PHACTR3: variants seen among roughly 807,000 people sequenced by gnomAD.
PHACTR3 encodes the protein protein phosphatase 1, regulatory subunit 123.
A neutral mutation model predicts 66.8 loss-of-function variants in PHACTR3; 16 were observed. The observed-to-expected ratio is 0.24, with a 90% CI of 0.16 to 0.36. The LOEUF is 0.36. Ranked by LOEUF, PHACTR3 falls within the 10% of genes least tolerant of loss-of-function variation. The pLI, the probability that PHACTR3 is intolerant of heterozygous loss-of-function variation, is 1.00. For missense variants in PHACTR3, 647 were observed against 719.9 expected (o/e 0.90, Z 1.16); for synonymous variants, 323 against 292.1 (o/e 1.11, Z -1.08).
rs6100594 is a variant in PHACTR3 at position 59,795,024 on chromosome 20, T to C, written c.1175-11017T>C. On this transcript the variant is annotated intron_variant, in intron 7 of 12. Transcript: ENST00000371015. ...TTTCTGCTCTAACCTTTATTTTTTT[T>C]TCCTTCTACTAATTTTGGGTTGAGT... Among the ~76,000 whole-genome samples, 458 of 152,270 alleles carry C rather than the reference T, an allele frequency of 3.0e-3. 5 individuals are homozygous for C. The highest frequency in any genetic ancestry group is 0.01 in the African/African-American group (435 of 41,574).
chr20:59,793,862 C>G (rs909759514), intron 7 of PHACTR3, among the ~76,000 whole-genome samples: 1 of 152,002 alleles, frequency 6.6e-6, no homozygotes, highest in African/African-American at 2.4e-5. Context: ...TGGCTCATGC[C>G]TGTAATCCCA....
chr20:59,585,702 G>A (rs2033005972), intron 1 of PHACTR3, among the ~76,000 whole-genome samples: 2 of 152,190 alleles, frequency 1.3e-5, no homozygotes, highest in Admixed American at 6.5e-5. Context: ...ATGGGGAGGC[G>A]ATGGTGGGGA....
chr20:59,821,946 A>AC (rs1486615184), intron 8 of PHACTR3, among the ~76,000 whole-genome samples: 4 of 149,768 alleles, frequency 2.7e-5, no homozygotes, highest in African/African-American at 9.9e-5. Context: ...AAACACAGCT[A>AC]CCCCCTCCCC....
At chr20:59,782,723 C>T (rs539800774) in intron 7 of PHACTR3, among the ~76,000 whole-genome samples, 22 of 152,286 alleles carry the variant, frequency 1.4e-4, no homozygotes, top group South Asian at 2.1e-4. Flanking sequence ...AAACCACCCC[C>T]ATGATTCAAT....
chr20:59,684,035 G>A (rs2036765326), intron 1 of PHACTR3, among the ~76,000 whole-genome samples: 1 of 152,190 alleles, frequency 6.6e-6, no homozygotes, highest in Admixed American at 6.5e-5. Flanking sequence ...ACAGACTTGG[G>A]GGATGAGAAC....
intron 7 of PHACTR3, among the ~76,000 whole-genome samples, chr20:59,805,667 T>TG (rs1161001469): frequency 6.6e-6 from 1 of 152,092 alleles, no homozygotes; most frequent in Non-Finnish European, 1.5e-5. Flanking sequence ...TGGAGCTGGG[T>TG]GGGGGCAGTG....
Position 59,840,434 on chromosome 20 carries a change from G to C in PHACTR3, c.1446+4G>C. The C allele has an allele frequency of 6.2e-7, 1 of 1,613,306 alleles. No individual in the cohort carries two copies. Among genetic ancestry groups the C allele is most frequent in the South Asian group, 1.1e-5 (1 of 90,956 alleles). On this transcript the variant is annotated splice_donor_region_variant and intron_variant, in intron 10 of 12. Transcript: ENST00000371015. ...CAAGCAAAGATTGACAAGAAAGGTA[G>C]TATAAGCATTTTATTGCCTGAATAA... is the stretch of plus-strand genomic sequence containing the variant.
In PHACTR3 at chr20:59,599,309, C is replaced by T. The variant is rs551836098; in HGVS notation, c.109+21692C>T. 1.9e-4 allele frequency among the ~76,000 whole-genome samples: 29 copies of T among 152,334 alleles called. No homozygotes were observed. The South Asian group carries it at 3.5e-3, about 18-fold the overall frequency. ...GGTGAACAAACACAACAAAAATCCC[C>T]GTGCCTGTGAAGCCGACATTGCCAC... On this transcript the variant is annotated intron_variant, in intron 1 of 12. Coordinates refer to the PHACTR3 transcript ENST00000359926.
At chr20:59,798,553 G>C (rs1007098013) in intron 7 of PHACTR3, among the ~76,000 whole-genome samples, 1 of 151,996 alleles carries the variant, frequency 6.6e-6, no homozygotes, top group Non-Finnish European at 1.5e-5. Context: ...GTCCATTCTG[G>C]TTACATATTT....
intron 1 of PHACTR3, among the ~76,000 whole-genome samples, chr20:59,666,515 A>G (rs2035991985): frequency 6.6e-6 from 1 of 151,704 alleles, no homozygotes; most frequent in Non-Finnish European, 1.5e-5. Context: ...TCAATTTCAG[A>G]GGAAGAGAGA....
chr20:59,793,752 G>A (rs2041170847), intron 7 of PHACTR3, among the ~76,000 whole-genome samples: 1 of 151,780 alleles, frequency 6.6e-6, no homozygotes, highest in Non-Finnish European at 1.5e-5. Context: ...TTTCTAATTT[G>A]GATGCCTTTT....
At chr20:59,591,024 T>C (rs1425292123) in intron 1 of PHACTR3, among the ~76,000 whole-genome samples, 1 of 152,208 alleles carries the variant, frequency 6.6e-6, no homozygotes, top group Non-Finnish European at 1.5e-5. Flanking sequence ...AATTAAAAAT[T>C]CAGGTCCTCT....
chr20:59,613,167 A>G (rs901764392), intron 1 of PHACTR3, among the ~76,000 whole-genome samples: 2 of 152,222 alleles, frequency 1.3e-5, no homozygotes, highest in Non-Finnish European at 1.5e-5. Flanking sequence ...AAATATTGAC[A>G]AGTTTATCTA....
chr20:59,599,685 G>C (rs886789094), upstream of PHACTR3, among the ~76,000 whole-genome samples: 1 of 151,796 alleles, frequency 6.6e-6, no homozygotes, highest in African/African-American at 2.4e-5. Flanking sequence ...TAGTTAACTA[G>C]AAAACAAAAC....
chr20:59,699,486 T>C (rs1301786366), intron 1 of PHACTR3, among the ~76,000 whole-genome samples: 1 of 152,218 alleles, frequency 6.6e-6, no homozygotes, highest in East Asian at 1.9e-4. Flanking sequence ...TTGAATCTCC[T>C]GAGAGGCTGG....
intron 1 of PHACTR3, among the ~76,000 whole-genome samples, chr20:59,634,827 G>A (rs898993093): frequency 9.9e-5 from 15 of 152,188 alleles, no homozygotes; most frequent in Non-Finnish European, 2.1e-4. Context: ...CTGAACACTC[G>A]AAATGTGGCT....
At chr20:59,670,597 G>A (rs1438209789) in intron 1 of PHACTR3, among the ~76,000 whole-genome samples, 5 of 129,848 alleles carry the variant, frequency 3.9e-5, no homozygotes, top group African/African-American at 1.5e-4. Flanking sequence ...ACAGGCATCT[G>A]CCGGGGGTGG....
intron 1 of PHACTR3, among the ~76,000 whole-genome samples, chr20:59,720,348 G>A (rs989840661): frequency 5.9e-5 from 9 of 152,150 alleles, no homozygotes; most frequent in South Asian, 2.1e-4. Context: ...GTGTTCACCC[G>A]GATGGGCGTG....
intron 12 of PHACTR3, 46 bp downstream of exon 12, chr20:59,845,311 C>A: frequency 8.0e-7 from 1 of 1,254,808 alleles, no homozygotes; most frequent in African/African-American, 1.5e-5. Flanking sequence ...TTTTGAAACA[C>A]ACACCGCCTT....
Sources: gnomAD v4.1 joint callset for allele counts (sites outside exome capture counted in the v4.1 genomes callset) on GRCh38, gnomAD v4.1.1 for gene constraint, MANE v1.5 for transcripts, NCBI Gene and HGNC (gene_info 2026-07-23, HGNC 2026-07-21) for gene names.